Variants in RHBDF2 observed in about 807,000 individuals in gnomAD.
RHBDF2 encodes rhomboid 5 homolog 2.
RHBDF2 carries 38 observed loss-of-function variants against 95.2 expected under a neutral mutation model. The ratio of observed to expected loss-of-function variants is 0.40; its 90% CI spans 0.31 to 0.52. RHBDF2 has a LOEUF of 0.52. Among genes scored for constraint, RHBDF2 ranks in the 20% least tolerant of loss-of-function variants. The pLI is 0.56. For synonymous variants in RHBDF2, 442 were observed against 462.0 expected (o/e 0.96, Z 0.55); for missense variants, 863 against 1,137.7 (o/e 0.76, Z 3.47).
At chr17:76,476,541 G>A in intron 9 of RHBDF2, 1 of 396,646 alleles carries the variant, frequency 2.5e-6, no homozygotes, top group Non-Finnish European at 4.6e-6. Context: ...GGGCCTGCAG[G>A]CAGTGACACT....
intron 1 of RHBDF2, among the ~76,000 whole-genome samples, chr17:76,491,467 A>G (rs2074298412): frequency 6.6e-6 from 1 of 151,744 alleles, no homozygotes; most frequent in Non-Finnish European, 1.5e-5. Flanking sequence ...GCCTGACACC[A>G]GACAGCAGAG....
chr17:76,474,589 G>T (rs1350283524), intron 11 of RHBDF2, 55 bp from the exon 12 acceptor site: 1 of 1,610,532 alleles, frequency 6.2e-7, no homozygotes, highest in Non-Finnish European at 8.5e-7. Context: ...ACCTGGGAGG[G>T]GTCCATCACT....
intron 14 of RHBDF2, 37 bp downstream of exon 14, chr17:76,473,802 T>G (rs775561299): frequency 6.2e-7 from 1 of 1,613,122 alleles, no homozygotes; most frequent in Non-Finnish European, 8.5e-7. Context: ...CCCCCATCCC[T>G]GACCTTCCCA....
At chr17:76,481,792 A>G (rs888433383) in intron 2 of RHBDF2, 11 of 267,010 alleles carry the variant, frequency 4.1e-5, no homozygotes, top group Admixed American at 3.7e-4. Flanking sequence ...GTCTCTACTA[A>G]AAATACAAAA....
At chr17:76,479,506 C>T in intron 4 of RHBDF2, 1 of 767,314 alleles carries the variant, frequency 1.3e-6, no homozygotes, top group Middle Eastern at 2.5e-4. Context: ...CACTGATCCA[C>T]CCAGCTCCTC....
At chr17:76,484,156 G>A (rs893128420) in intron 2 of RHBDF2, among the ~76,000 whole-genome samples, 3 of 152,090 alleles carry the variant, frequency 2.0e-5, no homozygotes, top group Admixed American at 1.3e-4. Flanking sequence ...TCAGCTACTC[G>A]GGAGGCTGAG....
chr17:76,472,772 C>A lies in RHBDF2; in HGVS notation c.1978G>T (p.Gly660Cys). 1 of 1,611,908 alleles carries A rather than the reference C, an allele frequency of 6.2e-7. No homozygotes were observed. The highest frequency in any genetic ancestry group is 8.5e-7 in the Non-Finnish European group (1 of 1,178,996). The change falls in exon 18 of 19, where the codon GGC becomes TGC. Residue 660 changes from glycine to cysteine, a missense_variant. Physicochemically the swap from Gly to Cys is radical, Grantham distance 159 (BLOSUM62 -3). Around this residue, in one of 2 missense-constraint regions of RHBDF2, gnomAD observed 252 missense variants for 412.2 expected, o/e 0.61. Coordinates refer to ENST00000675367, the MANE Select transcript of RHBDF2 (RefSeq NM_001005498.4). ...AAGATGATGGCGATACGGTGCCAGC[C>A]GGCCAGCTTCTCCAGGTCCCTCAGG... ...TILRDLEKLAGWHRIAIIFIL... is the reference protein window; with the variant it reads ...TILRDLEKLACWHRIAIIFIL...
chr17:76,477,693 A>T lies in RHBDF2; in HGVS notation c.765T>A (p.Asp255Glu), dbSNP rs1172064445. The change falls in exon 7 of 19, where the codon GAT becomes GAA. Residue 255 changes from aspartate to glutamate, a missense_variant. This residue lies in a region of RHBDF2 where 611 missense variants were observed against 725.5 expected (regional missense o/e 0.84). Coordinates refer to ENST00000675367, the MANE Select transcript of RHBDF2 (RefSeq NM_001005498.4). Reference sequence around the variant, plus strand: ...AGGAGGAGTCAAACGTGTCTGCCCCATCGACCACATCCTCCTCCAGGAAGC... The same window carrying T: ...AGGAGGAGTCAAACGTGTCTGCCCCTTCGACCACATCCTCCTCCAGGAAGC... ...FPSFLEEDVV[D>E]GADTFDSSFF... 6.2e-7 allele frequency: 1 copy of T among 1,613,954 alleles called. No homozygotes were observed. Among genetic ancestry groups the T allele is most frequent in the Non-Finnish European group, 8.5e-7 (1 of 1,179,998 alleles).
chr17:76,486,224 C>G (rs1225935895), intron 2 of RHBDF2, among the ~76,000 whole-genome samples: 1 of 152,182 alleles, frequency 6.6e-6, no homozygotes, highest in African/African-American at 2.4e-5. Context: ...ATTCTCCTGC[C>G]TCAGTCTCCC....
At chr17:76,472,098 GCCTGGGCCGGGCCTGCAC>G in intron 18 of RHBDF2, 46 bp from the exon 19 acceptor site, 1 of 1,503,126 alleles carries the variant, frequency 6.7e-7, no homozygotes, top group Non-Finnish European at 8.9e-7. Flanking sequence ...CAGGTGGGTG[GCCTGGGCCGGGCCTGCAC>G]CCTGGGTCAT....
chr17:76,481,527 T>C lies in RHBDF2; in HGVS notation c.-3A>G, dbSNP rs940246420. On this transcript the variant is annotated 5_prime_UTR_variant, in exon 3 of 19. Transcript: ENST00000675367. The stretch of plus-strand genomic sequence containing the variant: ...CCATTCTTGTCAGCAGAGGCCATTG[T>C]GGGCAGGAGGCGGGAGGGCTGGAAT... The C allele has an allele frequency of 1.2e-6, 2 of 1,607,656 alleles. No homozygotes were observed. The highest frequency in any genetic ancestry group is 1.7e-6 in the Non-Finnish European group (2 of 1,179,328).
chr17:76,494,019 T>A (rs772511540), intron 1 of RHBDF2, among the ~76,000 whole-genome samples: 7 of 152,082 alleles, frequency 4.6e-5, no homozygotes, highest in Non-Finnish European at 5.9e-5. Context: ...CCGGTTAGAG[T>A]GGCTGGGGCG....
At chr17:76,491,511 G>A (rs937173810) in intron 1 of RHBDF2, among the ~76,000 whole-genome samples, 1 of 152,194 alleles carries the variant, frequency 6.6e-6, no homozygotes, top group Non-Finnish European at 1.5e-5. Flanking sequence ...GTCTTCCTGG[G>A]CAGGAGCCTG....
At chr17:76,483,535 T>G (rs1377151897) in intron 2 of RHBDF2, among the ~76,000 whole-genome samples, 3 of 152,232 alleles carry the variant, frequency 2.0e-5, no homozygotes, top group Non-Finnish European at 1.5e-5. Flanking sequence ...TCCACCTGCC[T>G]CGGCCTCCCA....
At chr17:76,494,313 C>A (rs2074382802) in intron 1 of RHBDF2, among the ~76,000 whole-genome samples, 1 of 152,178 alleles carries the variant, frequency 6.6e-6, no homozygotes, top group Non-Finnish European at 1.5e-5. Flanking sequence ...GTCCTGCATC[C>A]CCGAAGCCCA....
chr17:76,472,445 G>A (rs929928318), intron 18 of RHBDF2: 47 of 625,742 alleles, frequency 7.5e-5, no homozygotes, highest in Non-Finnish European at 1.2e-4. Context: ...CTGTCAGGCA[G>A]TGGGCACGGT....
chr17:76,488,393 G>A (rs572800082), intron 1 of RHBDF2, among the ~76,000 whole-genome samples: 10 of 152,160 alleles, frequency 6.6e-5, no homozygotes, highest in African/African-American at 1.2e-4. Flanking sequence ...CCAGCTACTC[G>A]GGAGGTTGAG....
Position 76,481,529 on chromosome 17 carries a change from G to A in RHBDF2, c.-5C>T, listed in dbSNP as rs201799538. 2 of 1,606,896 alleles carry A rather than the reference G, an allele frequency of 1.2e-6. No individual in the cohort carries two copies. Among genetic ancestry groups the A allele is most frequent in the African/African-American group, 1.3e-5 (1 of 75,032 alleles). On this transcript the variant is annotated 5_prime_UTR_variant, in exon 3 of 19. Transcript: ENST00000675367. ...ATTCTTGTCAGCAGAGGCCATTGTGGGCAGGAGGCGGGAGGGCTGGAATGG... is the reference window on the plus strand; with the variant it reads ...ATTCTTGTCAGCAGAGGCCATTGTGAGCAGGAGGCGGGAGGGCTGGAATGG...
intron 9 of RHBDF2, 140 bp downstream of exon 9, chr17:76,476,690 T>G: frequency 7.5e-7 from 1 of 1,326,990 alleles, no homozygotes; most frequent in Non-Finnish European, 1.0e-6. Flanking sequence ...AGGGTGCGCC[T>G]TCGAGCTTGT....
Sources: allele counts gnomAD v4.1 joint callset (sites outside exome capture counted in the v4.1 genomes callset), GRCh38; gene constraint gnomAD v4.1.1; regional missense constraint gnomAD v4.1.1; transcripts MANE v1.5; gene names NCBI Gene and HGNC (gene_info 2026-07-23, HGNC 2026-07-21).